ADCY9: variants seen among roughly 807,000 people sequenced by gnomAD.
The protein encoded by ADCY9 is adenylate cyclase type 9.
In ADCY9, 50 loss-of-function variants were observed where a neutral mutation model predicts 101.5. The observed-to-expected ratio is 0.49, with a 90% CI of 0.39 to 0.62. ADCY9 has a LOEUF of 0.62. Ranked by LOEUF, ADCY9 falls within the 20% of genes least tolerant of loss-of-function variation. The probability of loss-of-function intolerance (pLI) is 0.00; values close to 1 mark genes in which losing one functional copy is unlikely to be tolerated. For synonymous variants in ADCY9, 905 were observed against 769.3 expected (o/e 1.18, Z -2.92); for missense variants, 1,662 against 1,800.4 (o/e 0.92, Z 1.39).
intron 2 of ADCY9, among the ~76,000 whole-genome samples, chr16:4,040,424 A>T (rs139463994): frequency 1.6e-3 from 236 of 152,026 alleles, no homozygotes; most frequent in Admixed American, 2.8e-3. Context: ...TCTTTACTTA[A>T]CAAAGAACTG....
At chr16:4,048,303 A>G (rs773033855) in intron 2 of ADCY9, among the ~76,000 whole-genome samples, 8 of 152,246 alleles carry the variant, frequency 5.3e-5, no homozygotes, top group Non-Finnish European at 1.0e-4. Context: ...AAAAGTAACC[A>G]TGCATTGTTC....
chr16:4,046,803 G>A (rs1256781337), intron 2 of ADCY9, among the ~76,000 whole-genome samples: 1 of 152,020 alleles, frequency 6.6e-6, no homozygotes, highest in East Asian at 1.9e-4. Context: ...ACCAGCCTGG[G>A]CAACATAAGT....
intron 2 of ADCY9, among the ~76,000 whole-genome samples, chr16:4,025,504 G>A (rs114735053): frequency 0.011 from 1,749 of 152,314 alleles, 35 homozygotes; most frequent in African/African-American, 0.04. Context: ...GGAGAGGTGC[G>A]TTTGGGCGGC....
intron 4 of ADCY9, 183 bp downstream of exon 4, chr16:3,993,223 G>T: frequency 9.3e-7 from 1 of 1,075,806 alleles, no homozygotes; most frequent in Non-Finnish European, 1.3e-6. Context: ...CACGTGGGTT[G>T]CTGCTGACCC....
chr16:3,965,466 C>G lies in ADCY9; in HGVS notation c.*309G>C. ...CTAAAAGTCAAATAATACCCAAAGC[C>G]ATGATCTCCACTGGCGGCCTCTGTC... On this transcript the variant is annotated 3_prime_UTR_variant, in exon 11 of 11. Coordinates refer to ENST00000294016, the MANE Select transcript of ADCY9 (RefSeq NM_001116.4). 2.5e-6 allele frequency: 1 copy of G among 398,226 alleles called. No individual in the cohort carries two copies. Among genetic ancestry groups the G allele is most frequent in the Non-Finnish European group, 4.5e-6 (1 of 222,818 alleles). The allele number at this position is 398,226 out of a possible 1,614,324, so 24.7% of individuals were successfully genotyped here.
intron 10 of ADCY9, among the ~76,000 whole-genome samples, chr16:3,973,629 C>A (rs1340394941): frequency 6.6e-6 from 1 of 152,084 alleles, no homozygotes; most frequent in African/African-American, 2.4e-5. Flanking sequence ...GTAGCTGGGA[C>A]TACAGGTGCA....
Position 4,007,403 on chromosome 16 carries a change from A to G in ADCY9, c.1849T>C (p.Leu617=), listed in dbSNP as rs936849865. 1.3e-6 allele frequency: 2 copies of G among 1,599,170 alleles called. No homozygotes were observed. Among genetic ancestry groups the G allele is most frequent in the Non-Finnish European group, 1.7e-6 (2 of 1,175,556 alleles). Residue 617 remains leucine, a synonymous_variant, in exon 3 of 11, where the codon TTG becomes CTG. Coordinates refer to ENST00000294016, the MANE Select transcript of ADCY9 (RefSeq NM_001116.4). ...TCAAAGGTTTTGACAGTCTGCGCCA[A>G]GTCACTGACATTCCCTGATGACGCT... ...GTASSGNVSD[L]AQTVKTFDNL...
In ADCY9 at chr16:3,992,186, T is replaced by C. The variant is rs2056249933; in HGVS notation, c.2167A>G (p.Lys723Glu). 2 of 1,614,048 alleles carry C rather than the reference T, an allele frequency of 1.2e-6. No homozygotes were observed. The highest frequency in any genetic ancestry group is 1.1e-5 in the South Asian group (1 of 91,080). Residue 723 changes from lysine (K) to glutamate (E), a missense_variant, in exon 5 of 11, where the codon AAA becomes GAA. By Grantham distance (56) the Lys-to-Glu change is moderately conservative (BLOSUM62 1). This residue lies in a region of ADCY9 where 624 missense variants were observed against 639.1 expected (regional missense o/e 0.98). Coordinates refer to ENST00000294016, the MANE Select transcript of ADCY9 (RefSeq NM_001116.4). The surrounding 1 kb of genome is among the most constrained non-coding windows in gnomAD (Gnocchi z 4.2). ...ACGTCCACAAAGTGGGCGTCCGTTT[T>C]CTCCCGGATGTTCTTGAACCTCAGC... is the stretch of plus-strand genomic sequence containing the variant. ...LPLRFKNIREKTDAHFVDVIK... is the reference protein window; with the variant it reads ...LPLRFKNIREETDAHFVDVIK...
At chr16:4,070,292 A>G (rs562740274) in intron 2 of ADCY9, among the ~76,000 whole-genome samples, 1 of 152,356 alleles carries the variant, frequency 6.6e-6, no homozygotes, top group East Asian at 1.9e-4. Context: ...CCTGGAAAAA[A>G]AACTTGCAGC....
chr16:4,009,684 C>T (rs986850631), intron 2 of ADCY9, among the ~76,000 whole-genome samples: 13 of 152,176 alleles, frequency 8.5e-5, no homozygotes, highest in African/African-American at 1.9e-4. Context: ...GAAATGGAAA[C>T]GTGAACTGGA....
chr16:3,978,860 A>C (rs562870394), intron 8 of ADCY9, among the ~76,000 whole-genome samples: 2 of 152,140 alleles, frequency 1.3e-5, no homozygotes, highest in African/African-American at 4.8e-5. Context: ...GCTGGGATTA[A>C]AGGCGCCTGC....
intron 2 of ADCY9, chr16:4,015,567 G>A (rs913162437): frequency 1.3e-5 from 2 of 152,056 alleles, no homozygotes; most frequent in Non-Finnish European, 2.9e-5. Context: ...CTTACCGAAG[G>A]TTAGGATCTG....
intron 2 of ADCY9, among the ~76,000 whole-genome samples, chr16:4,008,078 C>T (rs1190320251): frequency 6.6e-6 from 1 of 152,124 alleles, no homozygotes; most frequent in Admixed American, 6.5e-5. Flanking sequence ...CCATTAAAAC[C>T]TCCCCAGACT....
chr16:4,031,372 T>A (rs895067982), intron 2 of ADCY9, among the ~76,000 whole-genome samples: 1 of 152,148 alleles, frequency 6.6e-6, no homozygotes, highest in Non-Finnish European at 1.5e-5. Context: ...CATACACATA[T>A]GCACATACAT....
At chr16:4,022,679 C>T (rs143443497) in intron 2 of ADCY9, among the ~76,000 whole-genome samples, 7 of 151,032 alleles carry the variant, frequency 4.6e-5, no homozygotes, top group East Asian at 2.0e-4. Context: ...TTGTAATCCC[C>T]GCAATTTGGG....
chr16:4,083,209 A>G (rs1220370580), intron 2 of ADCY9, among the ~76,000 whole-genome samples: 1 of 152,248 alleles, frequency 6.6e-6, no homozygotes, highest in Non-Finnish European at 1.5e-5. Context: ...ACTCACAACA[A>G]AAACCATCTT....
chr16:3,954,635 G>C (rs2055898051), intron 5 of ADCY9, among the ~76,000 whole-genome samples: 1 of 152,182 alleles, frequency 6.6e-6, no homozygotes, highest in Non-Finnish European at 1.5e-5. Context: ...GAAGCCAAGG[G>C]GGCCGGCTGA....
chr16:4,086,744 C>G (rs561011901), intron 2 of ADCY9, among the ~76,000 whole-genome samples: 197 of 152,244 alleles, frequency 1.3e-3, no homozygotes, highest in African/African-American at 4.7e-3. Flanking sequence ...ACTGCAACCT[C>G]TGCCTCCTGG....
At position 3,987,269 on chromosome 16, in the gene ADCY9, T is replaced by C. The variant is rs537733950; in HGVS notation, c.2310+1725A>G. 3.9e-5 allele frequency among the ~76,000 whole-genome samples: 6 copies of C among 152,320 alleles called. No individual in the cohort carries two copies. In the South Asian group the frequency reaches 1.2e-3, roughly 32 times the overall value. On this transcript the variant is annotated intron_variant, in intron 6 of 10. Coordinates refer to ENST00000294016, the MANE Select transcript of ADCY9 (RefSeq NM_001116.4). ...TTCCTGCTCCCCATCAGGCCACGTCTTTCCCCCTTCCCCAGCACCAAGAAC... is the reference window on the plus strand; with the variant it reads ...TTCCTGCTCCCCATCAGGCCACGTCCTTCCCCCTTCCCCAGCACCAAGAAC...
Sources: allele counts gnomAD v4.1 joint callset (sites outside exome capture counted in the v4.1 genomes callset), GRCh38; gene constraint gnomAD v4.1.1; regional missense constraint gnomAD v4.1.1; non-coding constraint Gnocchi (gnomAD v3.1); transcripts MANE v1.5; gene names NCBI Gene and HGNC (gene_info 2026-07-23, HGNC 2026-07-21).